The following ZBTB20 variants were observed in gnomAD, a reference collection of about 807,000 sequenced individuals.
ZBTB20 encodes zinc finger and BTB domain containing 20, also known as zinc finger and BTB domain-containing protein 20.
A neutral mutation model predicts 56.9 loss-of-function variants in ZBTB20; 9 were observed. The ratio of observed to expected loss-of-function variants is 0.16; its 90% confidence interval spans 0.10 to 0.28. ZBTB20 has a LOEUF of 0.28. Among genes scored for constraint, ZBTB20 ranks in the 10% least tolerant of loss-of-function variants. The pLI, the probability that ZBTB20 is intolerant of heterozygous loss-of-function variation, is 1.00. For synonymous variants in ZBTB20, 417 were observed against 420.7 expected (o/e 0.99, Z 0.11); for missense variants, 655 against 1,003.0 (o/e 0.65, Z 4.69).
chr3:114,601,965 T>C (rs549416477), intron 6 of ZBTB20, among the ~76,000 whole-genome samples: 11 of 152,142 alleles, frequency 7.2e-5, no homozygotes, highest in Non-Finnish European at 1.5e-5. Context: ...CTAGCTTTCA[T>C]AATTTAAGTA....
At chr3:115,119,146 A>C (rs535498991) in intron 1 of ZBTB20, among the ~76,000 whole-genome samples, 2 of 152,168 alleles carry the variant, frequency 1.3e-5, no homozygotes, top group Non-Finnish European at 2.9e-5. Flanking sequence ...GCCACCTCTC[A>C]AGACCACAAT....
intron 2 of ZBTB20, among the ~76,000 whole-genome samples, chr3:115,046,499 T>C (rs2081338950): frequency 6.6e-6 from 1 of 152,180 alleles, no homozygotes; most frequent in Non-Finnish European, 1.5e-5. Context: ...ATTAATATTC[T>C]AAAGAAATTC....
At chr3:115,074,149 T>C (rs2082513476) in intron 1 of ZBTB20, among the ~76,000 whole-genome samples, 1 of 152,174 alleles carries the variant, frequency 6.6e-6, no homozygotes, top group South Asian at 2.1e-4. Flanking sequence ...AATTACCTTC[T>C]ATTAAAAAGA....
chr3:114,579,616 ATAAAG>A (rs1475080245), intron 6 of ZBTB20, among the ~76,000 whole-genome samples: 7 of 151,642 alleles, frequency 4.6e-5, no homozygotes, highest in Admixed American at 2.0e-4. Context: ...CAAATAAATA[ATAAAG>A]TAGATAAGCA....
chr3:114,787,266 A>C (rs946383806), intron 5 of ZBTB20, among the ~76,000 whole-genome samples: 1 of 149,672 alleles, frequency 6.7e-6, no homozygotes, highest in African/African-American at 2.5e-5. Context: ...GCATGAGCTA[A>C]CCATACCCAG....
intron 4 of ZBTB20, among the ~76,000 whole-genome samples, chr3:114,873,386 G>A (rs2076077481): frequency 6.6e-6 from 1 of 152,026 alleles, no homozygotes; most frequent in South Asian, 2.1e-4. Flanking sequence ...ATGGAAAACT[G>A]GTCATATTTA....
chr3:114,371,542 G>T (rs2466358), intron 10 of ZBTB20, among the ~76,000 whole-genome samples: 6,590 of 152,186 alleles, frequency 0.043, 259 homozygotes, highest in African/African-American at 0.1. Context: ...CTGAGCCTAG[G>T]GCTCCAGTTT....
rs1164627701 is a variant in ZBTB20 at position 114,519,644 on chromosome 3, T to C, written c.-294-19253A>G. 2.6e-5 allele frequency: 4 copies of C among 152,198 alleles called. No homozygotes were observed. The East Asian group carries it at 7.7e-4, about 29-fold the overall frequency. 9.4% of individuals were successfully genotyped at this position (152,198 alleles called of 1,614,324 possible). A position where few individuals can be genotyped will look rare whatever the true frequency, so the allele number is the denominator to read the frequency against. On this transcript the variant is annotated intron_variant, in intron 6 of 11. Coordinates refer to ENST00000675478, the MANE Select transcript of ZBTB20 (RefSeq NM_001348800.3). ...TTGGTGTTGTGGCATGTTTCCCAGT[T>C]ACCATAGAGACTGCATACACTAAGA...
chr3:115,134,271 T>C (rs1348156431), intron 1 of ZBTB20, among the ~76,000 whole-genome samples: 1 of 152,216 alleles, frequency 6.6e-6, no homozygotes, highest in East Asian at 1.9e-4. Context: ...TGTTTTAATT[T>C]CTATGTAGAT....
intron 6 of ZBTB20, among the ~76,000 whole-genome samples, chr3:114,665,872 A>G (rs2108121031): frequency 6.6e-6 from 1 of 152,152 alleles, no homozygotes; most frequent in Admixed American, 6.6e-5. Context: ...TAATAAGTCT[A>G]ATTTTTCCCA....
chr3:114,844,986 T>G (rs1038227155), intron 4 of ZBTB20, among the ~76,000 whole-genome samples: 3 of 151,948 alleles, frequency 2.0e-5, no homozygotes, highest in African/African-American at 7.2e-5. Flanking sequence ...AGATATATTC[T>G]TTGCAAATAT....
At chr3:114,365,748 T>C (rs1251438189) in intron 10 of ZBTB20, among the ~76,000 whole-genome samples, 1 of 152,150 alleles carries the variant, frequency 6.6e-6, no homozygotes, top group Non-Finnish European at 1.5e-5. Context: ...AAAATAAGTA[T>C]CTATTTCCAT....
Position 114,326,551 on chromosome 3 carries a change from G to A in ZBTB20, c.*12454C>T, listed in dbSNP as rs1415195123. 3 of 152,078 alleles carry A rather than the reference G, an allele frequency of 2.0e-5. No individual in the cohort carries two copies. Among genetic ancestry groups the A allele is most frequent in the African/African-American group, 7.2e-5 (3 of 41,410 alleles). 9.4% of individuals were successfully genotyped at this position (152,078 alleles called of 1,614,324 possible). On this transcript the variant is annotated 3_prime_UTR_variant, in exon 12 of 12. Coordinates refer to ENST00000675478, the MANE Select transcript of ZBTB20 (RefSeq NM_001348800.3). ...GGGGAAAATAATACAGTAAGGGTGAGCAGTTATTTGACTGTCCATGGACAG... is the reference window on the plus strand; with the variant it reads ...GGGGAAAATAATACAGTAAGGGTGAACAGTTATTTGACTGTCCATGGACAG...
At chr3:114,475,851 C>T (rs535672912) in intron 7 of ZBTB20, among the ~76,000 whole-genome samples, 1 of 152,164 alleles carries the variant, frequency 6.6e-6, no homozygotes, top group South Asian at 2.1e-4. Flanking sequence ...AGATAACAAC[C>T]CTGAATCATT....
intron 6 of ZBTB20, among the ~76,000 whole-genome samples, chr3:114,526,117 G>A (rs1252999838): frequency 6.6e-6 from 1 of 151,812 alleles, no homozygotes; most frequent in African/African-American, 2.4e-5. Flanking sequence ...TTTTTCCTTG[G>A]CTCCATCCTT....
intron 2 of ZBTB20, among the ~76,000 whole-genome samples, chr3:115,062,083 C>T (rs2082031568): frequency 1.3e-5 from 2 of 152,170 alleles, no homozygotes; most frequent in Admixed American, 1.3e-4. Context: ...TCAGTTCACA[C>T]ACATACACTC....
At chr3:114,626,390 C>G (rs993463973) in intron 6 of ZBTB20, among the ~76,000 whole-genome samples, 6 of 152,152 alleles carry the variant, frequency 3.9e-5, no homozygotes, top group African/African-American at 1.4e-4. Flanking sequence ...TAACCCTTAT[C>G]TCAGCAGTAC....
At chr3:114,421,331 A>C (rs1354091115) in intron 7 of ZBTB20, among the ~76,000 whole-genome samples, 1 of 152,136 alleles carries the variant, frequency 6.6e-6, no homozygotes, top group East Asian at 1.9e-4. Context: ...CATTTCTATA[A>C]TGGGGAAGGA....
chr3:114,568,224 A>G (rs1177872866), intron 6 of ZBTB20, among the ~76,000 whole-genome samples: 1 of 152,200 alleles, frequency 6.6e-6, no homozygotes, highest in Non-Finnish European at 1.5e-5. Context: ...ATTCCCCTCT[A>G]CTGATAAGGC....
Sources: allele counts gnomAD v4.1 joint callset (sites outside exome capture counted in the v4.1 genomes callset), GRCh38; gene constraint gnomAD v4.1.1; transcripts MANE v1.5; gene names NCBI Gene and HGNC (gene_info 2026-07-23, HGNC 2026-07-21).